PTTG1IP: variants seen among roughly 807,000 people sequenced by gnomAD.
PTTG1IP encodes pituitary tumor-transforming gene 1 protein-interacting protein.
In PTTG1IP, 16 loss-of-function variants were observed where a neutral mutation model predicts 24.4. The observed-to-expected ratio is 0.66, with a 90% confidence interval of 0.44 to 1.00. The LOEUF is 1.00. PTTG1IP is among the 50% of genes least tolerant of loss of function. The pLI is 0.00. For missense variants in PTTG1IP, 241 were observed against 245.8 expected (o/e 0.98, Z 0.13); for synonymous variants, 89 against 96.8 (o/e 0.92, Z 0.47).
intron 2 of PTTG1IP, among the ~76,000 whole-genome samples, chr21:44,862,536 G>C (rs1175212692): frequency 6.6e-6 from 1 of 151,880 alleles, no homozygotes; most frequent in Admixed American, 6.6e-5. Flanking sequence ...AAAAAAAAAA[G>C]AACTGCCGTT....
intron 4 of PTTG1IP, among the ~76,000 whole-genome samples, chr21:44,855,680 C>A (rs1455294298): frequency 6.6e-6 from 1 of 152,188 alleles, no homozygotes; most frequent in Non-Finnish European, 1.5e-5. Context: ...CGCTTCCACC[C>A]TCGCCCGCCG....
intron 3 of PTTG1IP, among the ~76,000 whole-genome samples, chr21:44,859,316 G>A (rs1240226130): frequency 2.0e-5 from 3 of 152,212 alleles, no homozygotes; most frequent in African/African-American, 4.8e-5. Flanking sequence ...TGAAAGTCCT[G>A]GAAGTCCTAC....
intron 1 of PTTG1IP, chr21:44,872,711 T>TC (rs1216641569): frequency 6.6e-6 from 1 of 152,320 alleles, no homozygotes; most frequent in Non-Finnish European, 1.5e-5. Flanking sequence ...TGCACTTTCC[T>TC]CCCCCAGCCC....
intron 1 of PTTG1IP, 73 bp downstream of exon 1, chr21:44,873,429 C>A (rs1423516019): frequency 1.6e-6 from 2 of 1,218,038 alleles, no homozygotes; most frequent in Non-Finnish European, 2.0e-6. Context: ...GCCGAAACCC[C>A]GACCCCGACC....
intron 2 of PTTG1IP, among the ~76,000 whole-genome samples, chr21:44,863,202 G>A (rs925376267): frequency 9.1e-6 from 1 of 110,246 alleles, no homozygotes; most frequent in African/African-American, 3.5e-5. Context: ...AGCCCACCAC[G>A]GCCTCAGCAG....
At chr21:44,852,810 G>A (rs769433355) in intron 5 of PTTG1IP, among the ~76,000 whole-genome samples, 14 of 152,300 alleles carry the variant, frequency 9.2e-5, no homozygotes, top group South Asian at 4.1e-4. Context: ...TTTTGCGTGC[G>A]TGCTGGTATT....
rs1301378320 is a variant in PTTG1IP, at chr21:44,851,189, T to A, written c.*392A>T. 3 of 778,412 alleles carry A rather than the reference T, an allele frequency of 3.9e-6. No homozygotes were observed. In the African/African-American group the frequency reaches 5.2e-5, roughly 14 times the overall value. 48.2% of individuals were successfully genotyped at this position (778,412 alleles called of 1,614,324 possible). A position where few individuals can be genotyped will look rare whatever the true frequency, so the allele number is the denominator to read the frequency against. On this transcript the variant is annotated 3_prime_UTR_variant, in exon 6 of 6. Coordinates refer to ENST00000330938, the MANE Select transcript of PTTG1IP (RefSeq NM_004339.4). ...ATGACAAAAGTCAAACCGACTTCCC[T>A]GTGTTGCGTGTGAAGCTTGTTAGTG...
chr21:44,861,932 C>G, intron 2 of PTTG1IP: 2 of 694,616 alleles, frequency 2.9e-6, no homozygotes, highest in Non-Finnish European at 5.3e-6. Context: ...CACAACTGCA[C>G]TAAGTCGCAC....
In PTTG1IP at chr21:44,873,534, G is replaced by T. The variant is rs1032260127; in HGVS notation, c.83C>A (p.Pro28Gln). 7 of 1,469,834 alleles carry T rather than the reference G, an allele frequency of 4.8e-6. No individual in the cohort carries two copies. The African/African-American group carries it at 7.3e-5, about 15-fold the overall frequency. The allele number at this position is 1,469,834 out of a possible 1,614,324, so 91.0% of individuals were successfully genotyped here. ...GGAALLLLLI[P>Q]VAAAQEPPGA... ...GGGAGGCTCCTGCGCGGCGGCCACC[G>T]GGATGAGCAGCAGGAGCAGCGCGGC... is the stretch of plus-strand genomic sequence containing the variant. Residue 28 changes from proline (P) to glutamine (Q), a missense_variant, in exon 1 of 6, where the codon CCG (proline) becomes CAG (glutamine). Physicochemically the swap from Pro to Gln is moderately conservative, Grantham distance 76. Transcript: ENST00000330938.
At chr21:44,869,568 G>C (rs924224140) in intron 1 of PTTG1IP, among the ~76,000 whole-genome samples, 2 of 152,088 alleles carry the variant, frequency 1.3e-5, no homozygotes, top group African/African-American at 4.8e-5. Flanking sequence ...AAAAGTGCTG[G>C]GATTACAGGT....
At position 44,866,728 on chromosome 21, in the gene PTTG1IP, G is replaced by C. The variant is rs547045951; in HGVS notation, c.116-1281C>G. Among the ~76,000 whole-genome samples, 206 of 151,644 alleles carry C rather than the reference G, an allele frequency of 1.4e-3. 1 individual carries two copies. Among genetic ancestry groups the C allele is most frequent in the Middle Eastern group, 3.4e-3 (1 of 292 alleles). ...ACAAACACAGTGCACGCTGAAAAGAGCTCTGTGCTCATCACCAGTCACCAG... is the reference window on the plus strand; with the variant it reads ...ACAAACACAGTGCACGCTGAAAAGACCTCTGTGCTCATCACCAGTCACCAG... On this transcript the variant is annotated intron_variant, in intron 1 of 5. Coordinates refer to ENST00000330938, the MANE Select transcript of PTTG1IP (RefSeq NM_004339.4).
In PTTG1IP at chr21:44,867,144, C is replaced by T. The variant is rs146342321; in HGVS notation, c.116-1697G>A. ...CAGGGCATCAAGAATAGCAAACATGCGGCTCTCGTATCAAGGGATCTTCTG... is the reference window on the plus strand; with the variant it reads ...CAGGGCATCAAGAATAGCAAACATGTGGCTCTCGTATCAAGGGATCTTCTG... On this transcript the variant is annotated intron_variant, in intron 1 of 5. Coordinates refer to ENST00000330938, the MANE Select transcript of PTTG1IP (RefSeq NM_004339.4). Among the ~76,000 whole-genome samples, 369 of 152,304 alleles carry T rather than the reference C, an allele frequency of 2.4e-3. 2 individuals carry two copies. The highest frequency in any genetic ancestry group is 8.4e-3 in the African/African-American group (347 of 41,542).
In PTTG1IP at chr21:44,851,475, A is replaced by C. The variant is rs1164166792; in HGVS notation, c.*106T>G. On this transcript the variant is annotated 3_prime_UTR_variant, in exon 6 of 6. Transcript: ENST00000330938. ...CCTGTCCTGGAAGGCTGGCAGGTTC[A>C]CTGGCCAAGGTCAGGAGACCGCAAT... 6.2e-7 allele frequency: 1 copy of C among 1,612,286 alleles called. No individual in the cohort carries two copies. The highest frequency in any genetic ancestry group is 8.5e-7 in the Non-Finnish European group (1 of 1,179,906).
At chr21:44,872,576 A>G (rs530616995) in intron 1 of PTTG1IP, among the ~76,000 whole-genome samples, 16 of 152,296 alleles carry the variant, frequency 1.1e-4, no homozygotes, top group African/African-American at 3.1e-4. Flanking sequence ...AGGTCCAACC[A>G]TGACACTCTC....
intron 3 of PTTG1IP, among the ~76,000 whole-genome samples, chr21:44,859,411 G>C (rs188629161): frequency 2.0e-5 from 3 of 151,496 alleles, no homozygotes; most frequent in Non-Finnish European, 4.4e-5. Flanking sequence ...GCATTATGTA[G>C]GCTATAAGCC....
rs374914178 is a variant in PTTG1IP at position 44,873,465 on chromosome 21, G to A, written c.115+37C>T. ...CCGACCTGGACCCACCAGCCGCCCC[G>A]CCCCCTTCGCGGCCCCGCCCGCCCC... On this transcript the variant is annotated intron_variant, in intron 1 of 5. Transcript: ENST00000330938. 60 of 1,341,192 alleles carry A rather than the reference G, an allele frequency of 4.5e-5. 1 individual carries two copies. In the South Asian group the frequency reaches 4.9e-4, roughly 11 times the overall value. The allele number at this position is 1,341,192 out of a possible 1,614,324, so 83.1% of individuals were successfully genotyped here.
intron 3 of PTTG1IP, among the ~76,000 whole-genome samples, chr21:44,858,182 G>A (rs2083462905): frequency 6.6e-6 from 1 of 152,232 alleles, no homozygotes; most frequent in South Asian, 2.1e-4. Flanking sequence ...GGCCAACGCT[G>A]TAGACATTTC....
intron 4 of PTTG1IP, among the ~76,000 whole-genome samples, chr21:44,855,959 G>A (rs920141771): frequency 1.3e-5 from 2 of 152,174 alleles, no homozygotes; most frequent in Admixed American, 6.5e-5. Context: ...TTACTGCACC[G>A]ATGGGAGGAC....
At position 44,850,826 on chromosome 21, in the gene PTTG1IP, A is replaced by G. The variant is rs1041418564; in HGVS notation, c.*755T>C. ...GAGGCAGGCCAAACACCACATTTAT[A>G]ATTCAAGCTTCCAAGGGAAAAAGAT... On this transcript the variant is annotated 3_prime_UTR_variant, in exon 6 of 6. Coordinates refer to ENST00000330938, the MANE Select transcript of PTTG1IP (RefSeq NM_004339.4). 5 of 152,896 alleles carry G rather than the reference A, an allele frequency of 3.3e-5. No individual in the cohort carries two copies. The highest frequency in any genetic ancestry group is 1.2e-4 in the African/African-American group (5 of 41,470). 9.5% of individuals were successfully genotyped at this position (152,896 alleles called of 1,614,324 possible).
Sources: gnomAD v4.1 joint callset for allele counts (sites outside exome capture counted in the v4.1 genomes callset) on GRCh38, gnomAD v4.1.1 for gene constraint, MANE v1.5 for transcripts, NCBI Gene and HGNC (gene_info 2026-07-23, HGNC 2026-07-21) for gene names.